PCYOX1L: variants seen among roughly 807,000 people sequenced by gnomAD.
PCYOX1L encodes the protein prenylcysteine oxidase 1 like.
Under a neutral mutation model 44.1 loss-of-function variants are expected in PCYOX1L, and 40 were observed. The observed-to-expected ratio is 0.91, with a 90% CI of 0.70 to 1.18. PCYOX1L has a LOEUF of 1.18. PCYOX1L is among the 50% of genes most tolerant of loss of function. The probability of loss-of-function intolerance (pLI) is 0.00; values close to 1 mark genes in which losing one functional copy is unlikely to be tolerated. For synonymous variants in PCYOX1L, 266 were observed against 282.8 expected (o/e 0.94, Z 0.60); for missense variants, 605 against 653.3 (o/e 0.93, Z 0.81).
intron 1 of PCYOX1L, 80 bp from the exon 2 acceptor site, chr5:149,362,557 G>A (rs1317585198): frequency 6.9e-7 from 1 of 1,455,596 alleles, no homozygotes; most frequent in East Asian, 2.3e-5. Context: ...ACCAGCGCAG[G>A]AGGATACAAA....
chr5:149,366,417 C>T (rs935581311), intron 4 of PCYOX1L, among the ~76,000 whole-genome samples: 5 of 152,242 alleles, frequency 3.3e-5, no homozygotes, highest in African/African-American at 1.2e-4. Flanking sequence ...TAATCCCTTG[C>T]ATGTGTGTAA....
In PCYOX1L at chr5:149,361,692, G is replaced by T. The variant is rs150204772; in HGVS notation, c.89-945G>T. Among the ~76,000 whole-genome samples the T allele has an allele frequency of 5.3e-5, 8 of 152,232 alleles. No homozygotes were observed. The East Asian group carries it at 1.5e-3, about 29-fold the overall frequency. ...TTCCCAGGCTGGAGTGCAATGGCAC[G>T]ATCTCAGCTCACCACAACCTCCGCC... On this transcript the variant is annotated intron_variant, in intron 1 of 5. Coordinates refer to ENST00000274569, the MANE Select transcript of PCYOX1L (RefSeq NM_024028.4).
At chr5:149,367,188 C>T (rs1758240398) in intron 4 of PCYOX1L, among the ~76,000 whole-genome samples, 172 bp from the exon 5 acceptor site, 1 of 152,224 alleles carries the variant, frequency 6.6e-6, no homozygotes, top group Admixed American at 6.5e-5. Context: ...GTCTTCCCCC[C>T]ATAGCATTGT....
rs1758055587 is a variant in PCYOX1L, at chr5:149,362,816, C to T, written c.268C>T (p.His90Tyr). 1 of 1,614,068 alleles carries T rather than the reference C, an allele frequency of 6.2e-7. No individual in the cohort carries two copies. The highest frequency in any genetic ancestry group is 8.5e-7 in the Non-Finnish European group (1 of 1,180,038). Residue 90 changes from histidine to tyrosine, a missense_variant, in exon 2 of 6, where the codon CAC becomes TAC. Physicochemically the swap from His to Tyr is moderately conservative, Grantham distance 83. Coordinates refer to ENST00000274569, the MANE Select transcript of PCYOX1L (RefSeq NM_024028.4). ...TGCCTCCTTCCACTCCCTGAGCCTG[C>T]ACATGCAGGACTTCGTCAAGCTGCT... ...GAASFHSLSL[H>Y]MQDFVKLLGL...
chr5:149,358,541 T>C (rs1423079254), intron 1 of PCYOX1L, among the ~76,000 whole-genome samples: 7 of 114,296 alleles, frequency 6.1e-5, no homozygotes, highest in Non-Finnish European at 1.3e-4. Context: ...GACGTGGTGC[T>C]GTAGTTCCTG....
intron 4 of PCYOX1L, among the ~76,000 whole-genome samples, chr5:149,366,901 A>G (rs530823911): frequency 6.6e-6 from 1 of 152,112 alleles, no homozygotes; most frequent in Non-Finnish European, 1.5e-5. Flanking sequence ...TTCACATACC[A>G]TATAATTCGC....
chr5:149,367,221 A>G (rs1758241904), intron 4 of PCYOX1L, 139 bp from the exon 5 acceptor site: 4 of 1,014,540 alleles, frequency 3.9e-6, no homozygotes, highest in Non-Finnish European at 5.6e-6. Flanking sequence ...ACTTACTTGT[A>G]TGTTTGCCAT....
At chr5:149,366,585 G>A (rs1463322193) in intron 4 of PCYOX1L, among the ~76,000 whole-genome samples, 1 of 152,180 alleles carries the variant, frequency 6.6e-6, no homozygotes, top group African/African-American at 2.4e-5. Context: ...ACAGACCACA[G>A]GAGTGGAGAA....
In PCYOX1L at chr5:149,362,653, G is replaced by C. The variant is rs755341071; in HGVS notation, c.105G>C (p.Gly35=). The change falls in exon 2 of 6, where the codon GGG becomes GGC. Residue 35 remains glycine (G), a synonymous_variant. Coordinates refer to ENST00000274569, the MANE Select transcript of PCYOX1L (RefSeq NM_024028.4). ...PPGKIAVVGA[G]IGGSAVAHFL... is the part of the protein sequence containing the mutation. The stretch of plus-strand genomic sequence containing the variant: ...TGCTGACAGCGGTGGTTGGGGCTGG[G>C]ATTGGGGGCTCTGCTGTGGCCCATT... 6.2e-7 allele frequency: 1 copy of C among 1,614,032 alleles called. No homozygotes were observed. The highest frequency in any genetic ancestry group is 8.5e-7 in the Non-Finnish European group (1 of 1,180,052).
Position 149,367,370 on chromosome 5 carries a change from ACTAGCCGGGGC to A in PCYOX1L, c.695_705del (p.Leu232ProfsTer12), listed in dbSNP as rs764424388. The stretch of plus-strand genomic sequence containing the variant: ...TCCCGCTTTGCCCAGGAGCCATGTC[ACTAGCCGGGGC>A]CCAAGGCAGCCTGTGGTCTGTGGAA... On this transcript the variant is annotated frameshift_variant, in exon 5 of 6. Coordinates refer to ENST00000274569, the MANE Select transcript of PCYOX1L (RefSeq NM_024028.4). LOFTEE classifies it high-confidence loss of function. 6.2e-7 allele frequency: 1 copy of A among 1,610,516 alleles called. No homozygotes were observed. Among genetic ancestry groups the A allele is most frequent in the Non-Finnish European group, 8.5e-7 (1 of 1,178,824 alleles).
chr5:149,368,115 G>A lies in PCYOX1L; in HGVS notation c.946G>A (p.Ala316Thr), dbSNP rs35552800. The change falls in exon 6 of 6, where the codon GCA becomes ACA. Residue 316 changes from alanine (A) to threonine (T), a missense_variant. Coordinates refer to ENST00000274569, the MANE Select transcript of PCYOX1L (RefSeq NM_024028.4). Reference protein sequence around the residue: ...LDNSSSNLTFAGFHPPIDDVQ... With the variant: ...LDNSSSNLTFTGFHPPIDDVQ... ...CAACAGCAGCAGCAACTTAACCTTT[G>A]CAGGCTTCCACCCGCCCATTGATGA... 0.012 allele frequency: 18,895 copies of A among 1,613,068 alleles called. 494 individuals carry two copies. Among genetic ancestry groups the A allele is most frequent in the African/African-American group, 0.099 (7,426 of 74,962 alleles).
In PCYOX1L at chr5:149,367,373, A is replaced by G; in HGVS notation, c.696A>G (p.Leu232=). 1 of 1,610,626 alleles carries G rather than the reference A, an allele frequency of 6.2e-7. No individual in the cohort carries two copies. Among genetic ancestry groups the G allele is most frequent in the Non-Finnish European group, 8.5e-7 (1 of 1,178,864 alleles). The change falls in exon 5 of 6, where the codon CTA becomes CTG. Residue 232 remains leucine (L), a synonymous_variant. Coordinates refer to ENST00000274569, the MANE Select transcript of PCYOX1L (RefSeq NM_024028.4). ...CGCTTTGCCCAGGAGCCATGTCACTAGCCGGGGCCCAAGGCAGCCTGTGGT... is the reference window on the plus strand; with the variant it reads ...CGCTTTGCCCAGGAGCCATGTCACTGGCCGGGGCCCAAGGCAGCCTGTGGT... ...AMPAFAGAMS[L]AGAQGSLWSV... is the part of the protein sequence containing the mutation.
intron 4 of PCYOX1L, 122 bp from the exon 5 acceptor site, chr5:149,367,238 A>G: frequency 1.6e-6 from 2 of 1,235,330 alleles, no homozygotes; most frequent in Non-Finnish European, 2.2e-6. Flanking sequence ...CCATCTCCCC[A>G]TGCCCATGGT....
intron 3 of PCYOX1L, 63 bp from the exon 4 acceptor site, chr5:149,365,879 A>C: frequency 1.3e-6 from 2 of 1,536,042 alleles, no homozygotes; most frequent in Non-Finnish European, 1.8e-6. Context: ...ACTATAACCC[A>C]GGGGCAGGTG....
At chr5:149,364,250 A>T (rs1461724398) in intron 3 of PCYOX1L, 40 bp downstream of exon 3, 1 of 1,609,356 alleles carries the variant, frequency 6.2e-7, no homozygotes, top group Non-Finnish European at 8.5e-7. Flanking sequence ...TTCCAGGGGA[A>T]CCGAGAAGAG....
chr5:149,363,332 T>G (rs1258188792), intron 2 of PCYOX1L: 1 of 331,646 alleles, frequency 3.0e-6, no homozygotes, highest in East Asian at 7.6e-5. Context: ...ATGCAGAAAC[T>G]CTGCTTCTCA....
At position 149,364,106 on chromosome 5, in the gene PCYOX1L, G is replaced by A. The variant is rs966107485; in HGVS notation, c.366G>A (p.Glu122=). 2 of 1,614,060 alleles carry A rather than the reference G, an allele frequency of 1.2e-6. No homozygotes were observed. The highest frequency in any genetic ancestry group is 2.7e-5 in the African/African-American group (2 of 74,936). The stretch of plus-strand genomic sequence containing the variant: ...GCGGGGAGCACTTCATGCTGGAGGA[G>A]ACTGACTGGTACCTGCTGAACCTCT... The part of the protein sequence containing the change: ...IFGGEHFMLE[E]TDWYLLNLFR... The change falls in exon 3 of 6, where the codon GAG becomes GAA. Residue 122 remains glutamate, a synonymous_variant. Transcript: ENST00000274569.
At position 149,368,251 on chromosome 5, in the gene PCYOX1L, C is replaced by A. The variant is rs149589706; in HGVS notation, c.1082C>A (p.Thr361Asn). ...PKLFPFANIL[T>N]TDFPSFFCTL... The stretch of plus-strand genomic sequence containing the variant: ...CTTTTCCCCTTTGCCAACATCCTTA[C>A]CACAGATTTCCCCAGCTTCTTCTGC... The change falls in exon 6 of 6, where the codon ACC becomes AAC. Residue 361 changes from threonine (T) to asparagine (N), a missense_variant. By Grantham distance (65) the Thr-to-Asn change is moderately conservative. Transcript: ENST00000274569. 2 of 1,614,056 alleles carry A rather than the reference C, an allele frequency of 1.2e-6. No homozygotes were observed. The highest frequency in any genetic ancestry group is 2.7e-5 in the African/African-American group (2 of 74,920).
chr5:149,362,664 C>G lies in PCYOX1L; in HGVS notation c.116C>G (p.Ser39Cys). ...IAVVGAGIGGSAVAHFLQQHF... is the reference protein window; with the variant it reads ...IAVVGAGIGGCAVAHFLQQHF... ...GTGGTTGGGGCTGGGATTGGGGGCT[C>G]TGCTGTGGCCCATTTTCTCCAGCAG... The change falls in exon 2 of 6, where the codon TCT (serine) becomes TGT (cysteine). Residue 39 changes from serine to cysteine, a missense_variant. Ser to Cys is a moderately radical substitution (Grantham distance 112). Coordinates refer to ENST00000274569, the MANE Select transcript of PCYOX1L (RefSeq NM_024028.4). The G allele has an allele frequency of 6.2e-7, 1 of 1,614,212 alleles. No homozygotes were observed. The highest frequency in any genetic ancestry group is 8.5e-7 in the Non-Finnish European group (1 of 1,180,044).
Sources: gnomAD v4.1 joint callset for allele counts (sites outside exome capture counted in the v4.1 genomes callset) on GRCh38, gnomAD v4.1.1 for gene constraint, MANE v1.5 for transcripts, NCBI Gene and HGNC (gene_info 2026-07-23, HGNC 2026-07-21) for gene names.